ABLIM2: variants seen among roughly 807,000 people sequenced by gnomAD.
ABLIM2 encodes actin binding LIM protein family member 2, also known as actin-binding LIM protein 2.
Under a neutral mutation model 97.7 loss-of-function variants are expected in ABLIM2, and 53 were observed. The observed-to-expected ratio is 0.54, with a 90% CI of 0.44 to 0.68. The LOEUF (loss-of-function observed/expected upper bound fraction) is 0.68. Ranked by LOEUF, ABLIM2 falls within the 30% of genes least tolerant of loss-of-function variation. ABLIM2 has a pLI of 0.00. For missense variants in ABLIM2, 835 were observed against 867.2 expected, an observed-to-expected ratio of 0.96 and a Z score of 0.47; for synonymous variants, 361 against 345.8, an observed-to-expected ratio of 1.04 and a Z score of -0.49.
intron 11 of ABLIM2, among the ~76,000 whole-genome samples, chr4:8,029,315 G>A (rs2151185888): frequency 6.6e-6 from 1 of 152,284 alleles, no homozygotes; most frequent in African/African-American, 2.4e-5. Context: ...CACATATGCT[G>A]TCTTATCTTC....
chr4:8,096,686 C>T (rs773916097), intron 3 of ABLIM2, among the ~76,000 whole-genome samples: 1 of 152,214 alleles, frequency 6.6e-6, no homozygotes, highest in Non-Finnish European at 1.5e-5. Context: ...AGAAACAGAA[C>T]ATTTCCTCTG....
rs1849536390 is a variant in ABLIM2, at chr4:8,132,203, G to A, written c.11-25566C>T. ...TGCAATCACCCCCCTGCTCACTCAT[G>A]CTCACCCCCTCCCCTGCACAGAACC... On this transcript the variant is annotated intron_variant, in intron 1 of 20. Transcript: ENST00000447017. This position sits in a 1 kb window ranked among gnomAD's most constrained non-coding sequence, Gnocchi z 8.0. Among the ~76,000 whole-genome samples, 1 of 151,792 alleles carries A rather than the reference G, an allele frequency of 6.6e-6. No individual in the cohort carries two copies. The highest frequency in any genetic ancestry group is 2.1e-4 in the South Asian group (1 of 4,798).
rs535757673 is a variant in ABLIM2, at chr4:8,085,628, G to T, written c.454+2541C>A. On this transcript the variant is annotated intron_variant, in intron 4 of 20. Coordinates refer to ENST00000447017, the MANE Select transcript of ABLIM2 (RefSeq NM_001130083.2). This position sits in a 1 kb window ranked among gnomAD's most constrained non-coding sequence, Gnocchi z 6.1. ...TGGGGGGTGCCCACGCTGCAGCCCT[G>T]TCCACTCACGCAGGTCTGGGGGTGC... Among the ~76,000 whole-genome samples the T allele has an allele frequency of 7.0e-6, 1 of 142,920 alleles. No homozygotes were observed. Among genetic ancestry groups the T allele is most frequent in the Admixed American group, 7.0e-5 (1 of 14,232 alleles). The allele number at this position is 142,920 out of a possible 152,430, so 93.8% of individuals were successfully genotyped here.
In ABLIM2 at chr4:8,124,626, G is replaced by C. The variant is rs968130124; in HGVS notation, c.11-17989C>G. Among the ~76,000 whole-genome samples the C allele has an allele frequency of 3.3e-5, 5 of 152,228 alleles. No homozygotes were observed. Among genetic ancestry groups the C allele is most frequent in the Admixed American group, 2.0e-4 (3 of 15,282 alleles). On this transcript the variant is annotated intron_variant, in intron 1 of 20. Transcript: ENST00000447017. The surrounding 1 kb of genome is among the most constrained non-coding windows in gnomAD (Gnocchi z 6.1). ...TGGCTGAGAAATATTCCGTTGTACA[G>C]ACAGACCCTATTTGGCTCATCCATT...
chr4:8,158,393 C>T (rs1001329372), intron 1 of ABLIM2, among the ~76,000 whole-genome samples: 1 of 152,188 alleles, frequency 6.6e-6, no homozygotes, highest in Non-Finnish European at 1.5e-5. Context: ...CCCGGACCCC[C>T]GTGAGAAGCA....
At position 8,148,810 on chromosome 4, in the gene ABLIM2, G is replaced by A. The variant is rs1271425201; in HGVS notation, c.10+9870C>T. On this transcript the variant is annotated intron_variant, in intron 1 of 20. Transcript: ENST00000447017. This position sits in a 1 kb window ranked among gnomAD's most constrained non-coding sequence, Gnocchi z 6.7. The stretch of plus-strand genomic sequence containing the variant: ...CAAGGCTCAGGGGGTACATGGCCTG[G>A]GCTGGTTCCTGGACCCCCACCTCTC... Among the ~76,000 whole-genome samples, 1 of 152,112 alleles carries A rather than the reference G, an allele frequency of 6.6e-6. No homozygotes were observed. Among genetic ancestry groups the A allele is most frequent in the Non-Finnish European group, 1.5e-5 (1 of 68,006 alleles).
At position 8,043,764 on chromosome 4, in the gene ABLIM2, C is replaced by T. The variant is rs954756278; in HGVS notation, c.900+1400G>A. Among the ~76,000 whole-genome samples the T allele has an allele frequency of 7.9e-5, 12 of 152,176 alleles. No individual in the cohort carries two copies. The South Asian group carries it at 1.2e-3, about 16-fold the overall frequency. On this transcript the variant is annotated intron_variant, in intron 9 of 20. Coordinates refer to ENST00000447017, the MANE Select transcript of ABLIM2 (RefSeq NM_001130083.2). The surrounding 1 kb of genome is among the most constrained non-coding windows in gnomAD (Gnocchi z 4.8). ...CTGACACAGATGATGGTAACAGTAA[C>T]GGCAGCAAGCGTTTCCCACAGCCTT...
In ABLIM2 at chr4:7,995,473, G is replaced by A. The variant is rs536013665; in HGVS notation, c.1619-2546C>T. On this transcript the variant is annotated intron_variant, in intron 16 of 20. Transcript: ENST00000447017. The stretch of plus-strand genomic sequence containing the variant: ...ACAGAACTGCCCACCCGCTCTCTCC[G>A]GGGACCTCACTTCTGAGCAAAAGAT... 1.9e-4 allele frequency among the ~76,000 whole-genome samples: 29 copies of A among 152,194 alleles called. 1 individual carries two copies. Among genetic ancestry groups the A allele is most frequent in the Admixed American group, 6.5e-5 (1 of 15,288 alleles).
At position 7,968,518 on chromosome 4, in the gene ABLIM2, G is replaced by A. The variant is rs559564516; in HGVS notation, c.1825-1415C>T. ...CAGCCTTAAAAGGTCGTGAAGTTCC[G>A]ACACATGCCACAGCATGGATGAGCC... On this transcript the variant is annotated intron_variant, in intron 20 of 20. Transcript: ENST00000447017. 5.9e-5 allele frequency among the ~76,000 whole-genome samples: 9 copies of A among 152,332 alleles called. No homozygotes were observed. The South Asian group carries it at 1.9e-3, about 32-fold the overall frequency.
intron 9 of ABLIM2, among the ~76,000 whole-genome samples, chr4:8,042,959 C>A (rs577049743): frequency 6.6e-6 from 1 of 151,854 alleles, no homozygotes; most frequent in Non-Finnish European, 1.5e-5. Flanking sequence ...AAGACCAGCC[C>A]GGGCAACATA....
In ABLIM2 at chr4:8,085,382, C is replaced by G. The variant is rs1436622293; in HGVS notation, c.454+2787G>C. Among the ~76,000 whole-genome samples the G allele has an allele frequency of 6.6e-6, 1 of 152,196 alleles. No homozygotes were observed. On this transcript the variant is annotated intron_variant, in intron 4 of 20. Coordinates refer to ENST00000447017, the MANE Select transcript of ABLIM2 (RefSeq NM_001130083.2). The surrounding 1 kb of genome is among the most constrained non-coding windows in gnomAD (Gnocchi z 6.1). ...GCCTCCAGATGTACCGAGAACACCA[C>G]GGCGTGGCTTTGGAGGAAGCTGCCA...
chr4:8,059,906 CAAA>C (rs201148410), intron 7 of ABLIM2, among the ~76,000 whole-genome samples: 26,512 of 123,322 alleles, frequency 0.21, 2,615 homozygotes, highest in South Asian at 0.33. Context: ...GACTCTGTTT[CAAA>C]AAAAAAAAAA....
rs890035638 is a variant in ABLIM2 at position 8,015,999 on chromosome 4, C to T, written c.1423+3619G>A. Among the ~76,000 whole-genome samples the T allele has an allele frequency of 6.6e-6, 1 of 150,756 alleles. No homozygotes were observed. Among genetic ancestry groups the T allele is most frequent in the Non-Finnish European group, 1.5e-5 (1 of 67,862 alleles). ...TCAGATATGAGACGATCGTAAGCTA[C>T]TATTCCTGTCTGTAATAAGAGGTGA... On this transcript the variant is annotated intron_variant, in intron 14 of 20. Coordinates refer to ENST00000447017, the MANE Select transcript of ABLIM2 (RefSeq NM_001130083.2). The surrounding 1 kb of genome is among the most constrained non-coding windows in gnomAD (Gnocchi z 4.6).
At chr4:8,029,525 C>T in intron 11 of ABLIM2, 131 bp downstream of exon 11, 2 of 1,202,860 alleles carry the variant, frequency 1.7e-6, no homozygotes, top group Admixed American at 3.3e-5. Context: ...GCAATCCCAC[C>T]CATTTCCATC....
At chr4:8,093,197 G>A (rs527494840) in intron 3 of ABLIM2, among the ~76,000 whole-genome samples, 25 of 152,312 alleles carry the variant, frequency 1.6e-4, no homozygotes, top group African/African-American at 6.0e-4. Flanking sequence ...TTATTGAGTT[G>A]TGAATAATCA....
intron 10 of ABLIM2, among the ~76,000 whole-genome samples, chr4:8,034,522 G>A (rs1257251140): frequency 1.9e-5 from 1 of 52,678 alleles, no homozygotes; most frequent in Non-Finnish European, 3.7e-5. Context: ...GGTGCAGGTG[G>A]GTGGGTGGTA....
rs1202689668 is a variant in ABLIM2 at position 8,125,069 on chromosome 4, G to A, written c.11-18432C>T. Among the ~76,000 whole-genome samples, 1 of 152,192 alleles carries A rather than the reference G, an allele frequency of 6.6e-6. No homozygotes were observed. Among genetic ancestry groups the A allele is most frequent in the Non-Finnish European group, 1.5e-5 (1 of 68,044 alleles). On this transcript the variant is annotated intron_variant, in intron 1 of 20. Coordinates refer to ENST00000447017, the MANE Select transcript of ABLIM2 (RefSeq NM_001130083.2). The surrounding 1 kb of genome is among the most constrained non-coding windows in gnomAD (Gnocchi z 6.2). ...GCTTTGCCCATTTTTCAGCTTGGTT[G>A]TCTTGATAGGATTGAGGGATGAGAG...
intron 1 of ABLIM2, among the ~76,000 whole-genome samples, chr4:8,110,648 C>T (rs972813005): frequency 7.1e-4 from 12 of 16,882 alleles, no homozygotes; most frequent in Non-Finnish European, 8.4e-4. Flanking sequence ...TATACTTGGT[C>T]GGGGGTGGCG....
In ABLIM2 at chr4:8,147,859, T is replaced by C. The variant is rs894524886; in HGVS notation, c.10+10821A>G. On this transcript the variant is annotated intron_variant, in intron 1 of 20. Coordinates refer to ENST00000447017, the MANE Select transcript of ABLIM2 (RefSeq NM_001130083.2). The surrounding 1 kb of genome is among the most constrained non-coding windows in gnomAD (Gnocchi z 5.3). The stretch of plus-strand genomic sequence containing the variant: ...AGCCCCTAGACACTCACAGGTGGCC[T>C]TTGCCCAGCACTCTGGTTGTGCCAT... Among the ~76,000 whole-genome samples, 3 of 152,234 alleles carry C rather than the reference T, an allele frequency of 2.0e-5. No individual in the cohort carries two copies. Among genetic ancestry groups the C allele is most frequent in the African/African-American group, 7.2e-5 (3 of 41,468 alleles).
Sources: allele counts gnomAD v4.1 joint callset (sites outside exome capture counted in the v4.1 genomes callset), GRCh38; gene constraint gnomAD v4.1.1; non-coding constraint Gnocchi (gnomAD v3.1); transcripts MANE v1.5; gene names NCBI Gene and HGNC (gene_info 2026-07-23, HGNC 2026-07-21).